The following TTC9C variants were observed in gnomAD, a reference collection of about 807,000 sequenced individuals.
TTC9C encodes the protein tetratricopeptide repeat protein 9C.
Under a neutral mutation model 22.5 loss-of-function variants are expected in TTC9C, and 15 were observed. That is an observed-to-expected ratio of 0.67 (90% CI 0.45 to 1.03). The LOEUF (loss-of-function observed/expected upper bound fraction) is 1.03. Ranked by LOEUF, TTC9C falls within the 50% of genes least tolerant of loss-of-function variation. The pLI, the probability that TTC9C is intolerant of heterozygous loss-of-function variation, is 0.00. For missense variants in TTC9C, 244 were observed against 214.6 expected, an observed-to-expected ratio of 1.14 and a Z score of -0.86; for synonymous variants, 92 against 86.8, an observed-to-expected ratio of 1.06 and a Z score of -0.33.
At chr11:62,735,296 C>T in intron 1 of TTC9C, 86 bp from the exon 2 acceptor site, 1 of 1,512,720 alleles carries the variant, frequency 6.6e-7, no homozygotes, top group East Asian at 2.3e-5. Context: ...TGTTACCACC[C>T]TGTTCAGTAC....
chr11:62,736,491 G>A (rs1364013678), intron 2 of TTC9C, among the ~76,000 whole-genome samples: 7 of 151,806 alleles, frequency 4.6e-5, no homozygotes, highest in Non-Finnish European at 7.4e-5. Context: ...TCAGGAGATC[G>A]AGACCATCCT....
At chr11:62,728,402 C>T (rs983180076), upstream of TTC9C, 7 of 402,232 alleles carry the variant, frequency 1.7e-5, no homozygotes, top group South Asian at 5.3e-5. Flanking sequence ...TGCTTGAAGC[C>T]CTCTGGAGTT....
At chr11:62,736,979 T>C (rs2083920515) in intron 2 of TTC9C, among the ~76,000 whole-genome samples, 1 of 151,806 alleles carries the variant, frequency 6.6e-6, no homozygotes, top group African/African-American at 2.4e-5. Context: ...GGGCGGATCA[T>C]GTGAGGCCAG....
chr11:62,734,891 AT>A (rs1203467086), intron 1 of TTC9C, among the ~76,000 whole-genome samples: 11 of 152,196 alleles, frequency 7.2e-5, no homozygotes, highest in African/African-American at 1.7e-4. Flanking sequence ...ATTACAAGAT[AT>A]ATGAATTTTT....
In TTC9C at chr11:62,728,497, C is replaced by T. The variant is rs774806586; in HGVS notation, c.-352C>T. ...GAAAGGCGGAAGCCAGTGTCCCAGGCGTTCTCACGCCCGCAACAATTCCTG... is the reference window on the plus strand; with the variant it reads ...GAAAGGCGGAAGCCAGTGTCCCAGGTGTTCTCACGCCCGCAACAATTCCTG... On this transcript the variant is annotated 5_prime_UTR_variant, in exon 1 of 3. Transcript: ENST00000316461. 8.3e-6 allele frequency: 4 copies of T among 481,794 alleles called. No individual in the cohort carries two copies. Among genetic ancestry groups the T allele is most frequent in the South Asian group, 1.5e-5 (1 of 64,786 alleles). 29.8% of individuals were successfully genotyped at this position (481,794 alleles called of 1,614,324 possible).
At position 62,735,451 on chromosome 11, in the gene TTC9C, G is replaced by C. The variant is rs772634075; in HGVS notation, c.308G>C (p.Arg103Pro). 1 of 1,614,108 alleles carries C rather than the reference G, an allele frequency of 6.2e-7. No homozygotes were observed. The highest frequency in any genetic ancestry group is 1.1e-5 in the South Asian group (1 of 91,066). Reference sequence around the variant, plus strand: ...GAATATAGTCAGAAAGTCCTGGAACGACAGCCTGATAATGCCAAGGCCTTG... The same window carrying C: ...GAATATAGTCAGAAAGTCCTGGAACCACAGCCTGATAATGCCAAGGCCTTG... ...VREYSQKVLERQPDNAKALYR... is the reference protein window; with the variant it reads ...VREYSQKVLEPQPDNAKALYR... The change falls in exon 2 of 3, where the codon CGA becomes CCA. Residue 103 changes from arginine to proline, a missense_variant. Arg to Pro is a moderately radical substitution (Grantham distance 103). Coordinates refer to ENST00000316461, the MANE Select transcript of TTC9C (RefSeq NM_173810.4).
chr11:62,734,756 TACAGCATGAG>T (rs2083891356), intron 1 of TTC9C, among the ~76,000 whole-genome samples: 1 of 152,140 alleles, frequency 6.6e-6, no homozygotes, highest in African/African-American at 2.4e-5. Flanking sequence ...GTGCTAGGAT[TACAGCATGAG>T]CCACCATGCT....
Position 62,738,558 on chromosome 11 carries a change from C to T in TTC9C, c.*176C>T, listed in dbSNP as rs1016624866. ...ACAGTCTGAGTCTTTTTCTGTCTATCCATCTGTTTATTTCTATACCTTTCA... is the reference window on the plus strand; with the variant it reads ...ACAGTCTGAGTCTTTTTCTGTCTATTCATCTGTTTATTTCTATACCTTTCA... On this transcript the variant is annotated 3_prime_UTR_variant, in exon 3 of 3. Coordinates refer to ENST00000316461, the MANE Select transcript of TTC9C (RefSeq NM_173810.4). The T allele has an allele frequency of 3.9e-6, 2 of 518,850 alleles. No homozygotes were observed. Among genetic ancestry groups the T allele is most frequent in the East Asian group, 3.1e-5 (1 of 32,198 alleles). The allele number at this position is 518,850 out of a possible 1,614,324, so 32.1% of individuals were successfully genotyped here. A position where few individuals can be genotyped will look rare whatever the true frequency, so the allele number is the denominator to read the frequency against.
chr11:62,738,188 T>C, intron 2 of TTC9C, 100 bp from the exon 3 acceptor site: 1 of 671,780 alleles, frequency 1.5e-6, no homozygotes, highest in Middle Eastern at 2.6e-4. Context: ...TGGAGAGATT[T>C]TAAAATGGGA....
chr11:62,731,652 A>C (rs559572306), intron 1 of TTC9C, among the ~76,000 whole-genome samples: 2 of 151,840 alleles, frequency 1.3e-5, no homozygotes, highest in East Asian at 3.9e-4. Flanking sequence ...CTCTGACTTC[A>C]TTCATTCTCT....
intron 1 of TTC9C, among the ~76,000 whole-genome samples, chr11:62,729,457 G>A (rs2083819945): frequency 6.6e-6 from 1 of 151,124 alleles, no homozygotes; most frequent in Non-Finnish European, 1.5e-5. Flanking sequence ...GGAGTGCACT[G>A]GCGCGGTCTG....
chr11:62,733,050 C>A, intron 1 of TTC9C: 1 of 931,986 alleles, frequency 1.1e-6, no homozygotes, highest in Non-Finnish European at 1.5e-6. Flanking sequence ...CTTTAATGTG[C>A]TCATCACTGC....
chr11:62,729,107 T>C, intron 1 of TTC9C, 21 bp downstream of exon 1: 1 of 1,601,806 alleles, frequency 6.2e-7, no homozygotes, highest in Non-Finnish European at 8.5e-7. Context: ...GGCTAAAGGG[T>C]GGCTAGAGAG....
chr11:62,734,570 ACT>A (rs2083889043), intron 1 of TTC9C, among the ~76,000 whole-genome samples: 1 of 152,116 alleles, frequency 6.6e-6, no homozygotes, highest in South Asian at 2.1e-4. Flanking sequence ...GATGAGTGAG[ACT>A]CTGTCTTAAA....
chr11:62,728,705 G>A lies in TTC9C; in HGVS notation c.-144G>A. ...TTTCAGTAGAAACAAGCAAACCGCA[G>A]GTCCCTGTGGGGGGACTCTCCAGGA... On this transcript the variant is annotated 5_prime_UTR_variant, in exon 1 of 3. Coordinates refer to ENST00000316461, the MANE Select transcript of TTC9C (RefSeq NM_173810.4). The A allele has an allele frequency of 2.5e-6, 2 of 798,248 alleles. No homozygotes were observed. Among genetic ancestry groups the A allele is most frequent in the East Asian group, 5.3e-5 (2 of 37,634 alleles). The allele number at this position is 798,248 out of a possible 1,614,324, so 49.4% of individuals were successfully genotyped here.
Position 62,738,281 on chromosome 11 carries a change from T to A in TTC9C, c.422-7T>A. ...TGTTTCTAATTGCTTCTCCATCATCTTCCAAGATGCCAACGTCCGGCGGTA... is the reference window on the plus strand; with the variant it reads ...TGTTTCTAATTGCTTCTCCATCATCATCCAAGATGCCAACGTCCGGCGGTA... On this transcript the variant is annotated splice_region_variant and splice_polypyrimidine_tract_variant and intron_variant, in intron 2 of 2. Transcript: ENST00000316461. The A allele has an allele frequency of 6.2e-7, 1 of 1,602,000 alleles. No homozygotes were observed. Among genetic ancestry groups the A allele is most frequent in the South Asian group, 1.1e-5 (1 of 90,358 alleles).
At chr11:62,729,254 T>A (rs2083814122) in intron 1 of TTC9C, among the ~76,000 whole-genome samples, 168 bp downstream of exon 1, 1 of 151,962 alleles carries the variant, frequency 6.6e-6, no homozygotes, top group African/African-American at 2.4e-5. Flanking sequence ...TAAGTTGCCA[T>A]AGAGCAGGGC....
At chr11:62,736,693 C>CG (rs1159771388) in intron 2 of TTC9C, among the ~76,000 whole-genome samples, 1 of 133,890 alleles carries the variant, frequency 7.5e-6, no homozygotes, top group Non-Finnish European at 1.7e-5. Context: ...GGCTCCGTCT[C>CG]GGAAAAAAAA....
chr11:62,728,418 A>G (rs117968962), upstream of TTC9C: 2 of 429,308 alleles, frequency 4.7e-6, no homozygotes, highest in Non-Finnish European at 9.3e-6. Flanking sequence ...GAGTTTTAGC[A>G]CTAGTCCCGC....
Sources: gnomAD v4.1 joint callset for allele counts (sites outside exome capture counted in the v4.1 genomes callset) on GRCh38, gnomAD v4.1.1 for gene constraint, MANE v1.5 for transcripts, NCBI Gene and HGNC (gene_info 2026-07-23, HGNC 2026-07-21) for gene names.